SEMA5A: variants seen among roughly 807,000 people sequenced by gnomAD.
SEMA5A encodes semaphorin-5A.
A neutral mutation model predicts 135.5 loss-of-function variants in SEMA5A; 55 were observed. The ratio of observed to expected loss-of-function variants is 0.41; its 90% CI spans 0.33 to 0.51. The LOEUF is 0.51. SEMA5A is among the 20% of genes least tolerant of loss of function. SEMA5A has a pLI of 0.37. For synonymous variants in SEMA5A, 580 were observed against 546.5 expected (o/e 1.06, Z -0.85); for missense variants, 1,290 against 1,419.9 (o/e 0.91, Z 1.47).
chr5:9,079,894 A>G (rs1738277419), intron 16 of SEMA5A, among the ~76,000 whole-genome samples: 1 of 152,182 alleles, frequency 6.6e-6, no homozygotes, highest in Non-Finnish European at 1.5e-5. Context: ...AAGTCAGGAA[A>G]CAACAGATGC....
intron 8 of SEMA5A, among the ~76,000 whole-genome samples, chr5:9,206,907 A>G (rs993207219): frequency 4.6e-5 from 7 of 150,688 alleles, no homozygotes; most frequent in Non-Finnish European, 1.0e-4. Context: ...GGGCTGATAC[A>G]TAGCAGGATG....
chr5:9,355,726 G>A lies in SEMA5A; in HGVS notation c.125-17914C>T, dbSNP rs372519512. On this transcript the variant is annotated intron_variant, in intron 3 of 22. Coordinates refer to ENST00000382496, the MANE Select transcript of SEMA5A (RefSeq NM_003966.3). ...TCAACATAAAGATGTCATTTAATAC[G>A]GTGCTAGAGGTGACATCGAGGTGAG... Among the ~76,000 whole-genome samples, 131 of 152,206 alleles carry A rather than the reference G, an allele frequency of 8.6e-4. No homozygotes were observed. The South Asian group carries it at 0.019, about 22-fold the overall frequency.
At chr5:9,215,941 G>A (rs894533769) in intron 8 of SEMA5A, among the ~76,000 whole-genome samples, 2 of 152,030 alleles carry the variant, frequency 1.3e-5, no homozygotes, top group African/African-American at 4.8e-5. Flanking sequence ...GCACTGTGGG[G>A]CTCAGAGAGA....
chr5:9,257,024 T>A (rs1184475496), intron 5 of SEMA5A, among the ~76,000 whole-genome samples: 1 of 152,254 alleles, frequency 6.6e-6, no homozygotes, highest in East Asian at 1.9e-4. Flanking sequence ...AGGCACTGTA[T>A]AAACTCTCAG....
intron 1 of SEMA5A, among the ~76,000 whole-genome samples, chr5:9,543,190 T>C (rs1226935344): frequency 6.6e-6 from 1 of 152,210 alleles, no homozygotes; most frequent in African/African-American, 2.4e-5. Context: ...TTGTAACATT[T>C]GTCCTTCAGC....
chr5:9,142,256 T>C (rs146538372), intron 12 of SEMA5A, among the ~76,000 whole-genome samples: 103 of 152,284 alleles, frequency 6.8e-4, no homozygotes, highest in Admixed American at 1.1e-3. Flanking sequence ...ACAAATGGGA[T>C]GAACAGAAGT....
At chr5:9,076,380 T>C (rs1381617834) in intron 16 of SEMA5A, among the ~76,000 whole-genome samples, 1 of 151,944 alleles carries the variant, frequency 6.6e-6, no homozygotes, top group East Asian at 1.9e-4. Flanking sequence ...TAGAGAAATA[T>C]AGTAAATAGA....
chr5:9,305,867 A>C (rs1252601162), intron 5 of SEMA5A, among the ~76,000 whole-genome samples: 1 of 152,052 alleles, frequency 6.6e-6, no homozygotes, highest in Non-Finnish European at 1.5e-5. Flanking sequence ...CAGCTTTGTC[A>C]TCTTCCAGAA....
At chr5:9,535,605 G>A (rs765965010) in intron 1 of SEMA5A, among the ~76,000 whole-genome samples, 1 of 151,954 alleles carries the variant, frequency 6.6e-6, no homozygotes, top group Non-Finnish European at 1.5e-5. Context: ...TGGATCGGCA[G>A]AGTGGGAATA....
Position 9,037,571 on chromosome 5 carries a change from T to C in SEMA5A, c.*5326A>G, listed in dbSNP as rs919281336. The C allele has an allele frequency of 5.3e-5, 8 of 152,166 alleles. No individual in the cohort carries two copies. Among genetic ancestry groups the C allele is most frequent in the African/African-American group, 1.4e-4 (6 of 41,436 alleles). The allele number at this position is 152,166 out of a possible 1,614,324, so 9.4% of individuals were successfully genotyped here. ...ACAATGCATCTTTAATATAAGTCCA[T>C]AGGAAAGGAGTATTTAAAGAGTCGT... is the stretch of plus-strand genomic sequence containing the variant. On this transcript the variant is annotated 3_prime_UTR_variant, in exon 23 of 23. Transcript: ENST00000382496.
At chr5:9,209,682 T>C (rs1746237922) in intron 8 of SEMA5A, among the ~76,000 whole-genome samples, 1 of 152,130 alleles carries the variant, frequency 6.6e-6, no homozygotes, top group Non-Finnish European at 1.5e-5. Flanking sequence ...GTCTCCTGAG[T>C]TGATCTGAGC....
chr5:9,127,745 G>C (rs1004397093), intron 13 of SEMA5A, among the ~76,000 whole-genome samples: 3 of 152,114 alleles, frequency 2.0e-5, no homozygotes, highest in Non-Finnish European at 4.4e-5. Flanking sequence ...GAGAATTTGA[G>C]GCAAAGAAGA....
intron 11 of SEMA5A, among the ~76,000 whole-genome samples, chr5:9,174,078 A>G (rs1744077239): frequency 6.6e-6 from 1 of 152,238 alleles, no homozygotes; most frequent in South Asian, 2.1e-4. Context: ...TGAAACAACC[A>G]AAATAAAAGT....
intron 5 of SEMA5A, among the ~76,000 whole-genome samples, chr5:9,274,069 A>G (rs1385010063): frequency 6.6e-6 from 1 of 152,124 alleles, no homozygotes; most frequent in East Asian, 1.9e-4. Context: ...GTCAAGACCC[A>G]TCGGTGTGCT....
chr5:9,137,029 A>G (rs1560951642), intron 12 of SEMA5A, among the ~76,000 whole-genome samples: 1 of 152,188 alleles, frequency 6.6e-6, no homozygotes, highest in Non-Finnish European at 1.5e-5. Context: ...CTATCATATT[A>G]ACTATAATAC....
intron 5 of SEMA5A, among the ~76,000 whole-genome samples, chr5:9,300,126 C>A (rs1286230883): frequency 6.6e-6 from 1 of 152,130 alleles, no homozygotes; most frequent in Non-Finnish European, 1.5e-5. Flanking sequence ...TCCCCAGTCT[C>A]CAGTGATCCT....
intron 13 of SEMA5A, among the ~76,000 whole-genome samples, chr5:9,129,562 T>C (rs994023567): frequency 6.6e-6 from 1 of 152,252 alleles, no homozygotes; most frequent in Non-Finnish European, 1.5e-5. Flanking sequence ...TTCTGTGGCT[T>C]TACTTTTTCA....
At chr5:9,207,116 A>ATATATATATATATATATATATATATG (rs1446001099) in intron 8 of SEMA5A, among the ~76,000 whole-genome samples, 12 of 135,284 alleles carry the variant, frequency 8.9e-5, no homozygotes, top group Admixed American at 2.2e-4. Flanking sequence ...ATATATATAT[A>ATATATATATATATATATATATATATG]TATATATATA....
chr5:9,359,148 C>T (rs28677898), intron 3 of SEMA5A, among the ~76,000 whole-genome samples: 4,792 of 152,172 alleles, frequency 0.031, 245 homozygotes, highest in African/African-American at 0.11. Context: ...GTAGCAGCTC[C>T]TCCCCCCACC....
Sources: gnomAD v4.1 joint callset for allele counts (sites outside exome capture counted in the v4.1 genomes callset) on GRCh38, gnomAD v4.1.1 for gene constraint, MANE v1.5 for transcripts, NCBI Gene and HGNC (gene_info 2026-07-23, HGNC 2026-07-21) for gene names.